Variants in KALRN observed in about 807,000 individuals in gnomAD.
KALRN encodes the protein kalirin.
KALRN carries 70 observed loss-of-function variants against 353.7 expected under a neutral mutation model. That is an observed-to-expected ratio of 0.20 (90% CI 0.16 to 0.24). The LOEUF (loss-of-function observed/expected upper bound fraction) is 0.24, where lower values mean the gene tolerates loss of function less well. Among genes scored for constraint, KALRN ranks in the 10% least tolerant of loss-of-function variants. The pLI, the probability that KALRN is intolerant of heterozygous loss-of-function variation, is 1.00. For synonymous variants in KALRN, 1,391 were observed against 1,434.8 expected, an observed-to-expected ratio of 0.97 and a Z score of 0.69; for missense variants, 2,791 against 3,756.7, an observed-to-expected ratio of 0.74 and a Z score of 6.72.
rs372977789 is a variant in KALRN, at chr3:124,366,824, G to A, written c.1771-18021G>A. Among the ~76,000 whole-genome samples the A allele has an allele frequency of 0.011, 1,580 of 147,550 alleles. 73 individuals are homozygous for A. In the East Asian group the frequency reaches 0.12, roughly 11 times the overall value. ...CACCTCCCGGACGGGGTGGCTGGCT[G>A]GGCGGGGGTCTGACCCCCCCACCTC... On this transcript the variant is annotated intron_variant, in intron 10 of 59. Transcript: ENST00000682506.
In KALRN at chr3:124,666,538, G is replaced by T. The variant is rs770314288; in HGVS notation, c.6435G>T (p.Glu2145Asp). Residue 2145 changes from glutamate (E) to aspartate (D), a missense_variant, in exon 46 of 60, where the codon GAG becomes GAT. Physicochemically the swap from Glu to Asp is conservative, Grantham distance 45 (BLOSUM62 2). Coordinates refer to ENST00000682506, the MANE Select transcript of KALRN (RefSeq NM_001388419.1). ...CAGGCATGCAGTCCCGGACCAAAGA[G>T]AGGCGCGTGTTCCTCTTCGAGCAGA... ...LDAGMQSRTK[E>D]RRVFLFEQIV... is the part of the protein sequence containing the mutation. 2 of 1,613,948 alleles carry T rather than the reference G, an allele frequency of 1.2e-6. No homozygotes were observed. The highest frequency in any genetic ancestry group is 1.7e-6 in the Non-Finnish European group (2 of 1,179,928).
chr3:124,326,580 A>C (rs902011412), intron 7 of KALRN, among the ~76,000 whole-genome samples: 8 of 152,200 alleles, frequency 5.3e-5, no homozygotes, highest in Admixed American at 6.5e-5. Context: ...AGTATTTGCT[A>C]TGGATAATGG....
At chr3:124,044,852 TC>T (rs2040305393) in intron 1 of KALRN, among the ~76,000 whole-genome samples, 1 of 77,496 alleles carries the variant, frequency 1.3e-5, no homozygotes, top group African/African-American at 7.5e-5. Flanking sequence ...CCTCCCTCCC[TC>T]CCTCCCTCCT....
At chr3:124,491,183 A>C in intron 30 of KALRN, 140 bp from the exon 31 acceptor site, 1 of 593,200 alleles carries the variant, frequency 1.7e-6, no homozygotes, top group Non-Finnish European at 2.9e-6. Context: ...TGAACAGAAT[A>C]TCCAATCTGT....
At chr3:124,044,475 C>T (rs980469653) in intron 1 of KALRN, among the ~76,000 whole-genome samples, 1 of 151,922 alleles carries the variant, frequency 6.6e-6, no homozygotes, top group Non-Finnish European at 1.5e-5. Context: ...AAATCCTTGC[C>T]TTTCAGTGGG....
intron 1 of KALRN, among the ~76,000 whole-genome samples, chr3:124,079,365 A>G (rs2060421811): frequency 6.6e-6 from 1 of 152,226 alleles, no homozygotes; most frequent in Non-Finnish European, 1.5e-5. Context: ...GATAATCAGA[A>G]AGATTATGAA....
intron 1 of KALRN, among the ~76,000 whole-genome samples, chr3:124,221,377 ACT>A (rs1312213764): frequency 1.3e-5 from 2 of 151,664 alleles, no homozygotes; most frequent in African/African-American, 4.9e-5. Flanking sequence ...GTATTTCTTG[ACT>A]CTTTTTTGTG....
At chr3:124,429,722 A>G (rs974667855) in intron 15 of KALRN, among the ~76,000 whole-genome samples, 1 of 152,114 alleles carries the variant, frequency 6.6e-6, no homozygotes, top group Admixed American at 6.5e-5. Flanking sequence ...TCCCTCGTTG[A>G]GTTTTCTTTC....
chr3:124,430,020 C>T (rs533401726), intron 15 of KALRN, among the ~76,000 whole-genome samples: 2 of 152,288 alleles, frequency 1.3e-5, no homozygotes, highest in East Asian at 3.9e-4. Flanking sequence ...CTACACCACA[C>T]CCATTATATG....
intron 1 of KALRN, among the ~76,000 whole-genome samples, chr3:124,213,489 C>T (rs1041535473): frequency 5.3e-5 from 8 of 151,942 alleles, no homozygotes; most frequent in African/African-American, 1.9e-4. Context: ...CAAGCCCAAC[C>T]CATTATTTAT....
In KALRN at chr3:124,660,650, C is replaced by T. The variant is rs138369502; in HGVS notation, c.6217-273C>T. On this transcript the variant is annotated intron_variant, in intron 43 of 59. Transcript: ENST00000682506. The stretch of plus-strand genomic sequence containing the variant: ...GAGCCAAAATTGCACCACTGCACTC[C>T]AGCCTGGGCAACAGAGTGAGACTAT... 4.1e-3 allele frequency among the ~76,000 whole-genome samples: 581 copies of T among 143,198 alleles called. 3 individuals carry two copies. The highest frequency in any genetic ancestry group is 0.015 in the Middle Eastern group (4 of 262). The allele number at this position is 143,198 out of a possible 152,430, so 93.9% of individuals were successfully genotyped here.
intron 9 of KALRN, among the ~76,000 whole-genome samples, chr3:124,339,111 G>C (rs143064224): frequency 6.6e-6 from 1 of 152,340 alleles, no homozygotes; most frequent in East Asian, 1.9e-4. Flanking sequence ...CTGTTGGCAA[G>C]AGTTTGAAGC....
intron 1 of KALRN, among the ~76,000 whole-genome samples, chr3:124,141,463 CCT>C (rs1304581944): frequency 6.6e-6 from 1 of 152,222 alleles, no homozygotes; most frequent in East Asian, 1.9e-4. Flanking sequence ...AATGCCCTTA[CCT>C]CTCTCATCCT....
chr3:124,661,053 A>T (rs1461441793), intron 44 of KALRN, 80 bp downstream of exon 44: 1 of 1,155,756 alleles, frequency 8.7e-7, no homozygotes, highest in African/African-American at 1.5e-5. Context: ...AGATTGTCTC[A>T]GGAGGACCGT....
At chr3:124,209,457 C>T (rs552579473) in intron 1 of KALRN, among the ~76,000 whole-genome samples, 37 of 130,002 alleles carry the variant, frequency 2.8e-4, no homozygotes, top group Admixed American at 7.6e-4. Context: ...CCACTGCACT[C>T]TAGCCTGGGC....
At chr3:124,477,078 G>A (rs1020688674) in intron 26 of KALRN, among the ~76,000 whole-genome samples, 167 bp from the exon 27 acceptor site, 7 of 152,208 alleles carry the variant, frequency 4.6e-5, no homozygotes, top group South Asian at 2.1e-4. Context: ...CCCAATGTCC[G>A]TTAGGGGACC....
intron 1 of KALRN, among the ~76,000 whole-genome samples, chr3:124,141,310 ACT>A (rs1227751600): frequency 1.3e-5 from 2 of 151,810 alleles, no homozygotes; most frequent in African/African-American, 4.8e-5. Flanking sequence ...TAGAATCCTC[ACT>A]CTGTCAGCCA....
At chr3:124,650,264 AG>A (rs2083270149) in intron 37 of KALRN, among the ~76,000 whole-genome samples, 1 of 152,190 alleles carries the variant, frequency 6.6e-6, no homozygotes. Flanking sequence ...AACTTTTCAA[AG>A]GGGTTGTACA....
chr3:124,200,325 C>G, intron 1 of KALRN, among the ~76,000 whole-genome samples: 1 of 152,172 alleles, frequency 6.6e-6, no homozygotes. Flanking sequence ...GGGTGGCTTA[C>G]AAACAACAAA....
Sources: allele counts gnomAD v4.1 joint callset (sites outside exome capture counted in the v4.1 genomes callset), GRCh38; gene constraint gnomAD v4.1.1; transcripts MANE v1.5; gene names NCBI Gene and HGNC (gene_info 2026-07-23, HGNC 2026-07-21).